SRPRB: variants seen among roughly 807,000 people sequenced by gnomAD.
SRPRB encodes the protein SRP receptor subunit beta.
A neutral mutation model predicts 31.9 loss-of-function variants in SRPRB; 20 were observed. That is an observed-to-expected ratio of 0.63 (90% CI 0.44 to 0.91). SRPRB has a LOEUF of 0.91. Ranked by LOEUF, SRPRB falls within the 40% of genes least tolerant of loss-of-function variation. The pLI, the probability that SRPRB is intolerant of heterozygous loss-of-function variation, is 0.00. For synonymous variants in SRPRB, 146 were observed against 132.8 expected, an observed-to-expected ratio of 1.10 and a Z score of -0.68; for missense variants, 321 against 324.9, an observed-to-expected ratio of 0.99 and a Z score of 0.09.
upstream of SRPRB, chr3:133,805,761 A>G: frequency 6.7e-7 from 1 of 1,487,904 alleles, no homozygotes. Flanking sequence ...CTTAGGAACC[A>G]CCATTCGCGT....
In SRPRB at chr3:133,815,735, A is replaced by T. The variant is rs1559892738; in HGVS notation, c.547+9A>T. On this transcript the variant is annotated intron_variant, in intron 5 of 6. Coordinates refer to ENST00000678299, the MANE Select transcript of SRPRB (RefSeq NM_001379313.1). ...AGCCTGCAATAAGCAAGGTGCCATC[A>T]TGTTTTCTTGCAATAATAATTGAGT... 1 of 1,610,806 alleles carries T rather than the reference A, an allele frequency of 6.2e-7. No homozygotes were observed. The highest frequency in any genetic ancestry group is 1.7e-5 in the Admixed American group (1 of 59,726).
chr3:133,797,702 T>C (rs559636288), intron 1 of SRPRB, among the ~76,000 whole-genome samples: 2 of 152,332 alleles, frequency 1.3e-5, no homozygotes, highest in Admixed American at 1.3e-4. Flanking sequence ...TTAGTTCAGA[T>C]GATCTAGCCA....
chr3:133,788,745 T>C (rs1271036311), intron 1 of SRPRB: 3 of 152,250 alleles, frequency 2.0e-5, no homozygotes, highest in Non-Finnish European at 4.4e-5. Flanking sequence ...GACTTTTTTC[T>C]ATCTTTTCTG....
chr3:133,816,764 T>A (rs1358544029), intron 5 of SRPRB, 114 bp from the exon 6 acceptor site: 10 of 760,888 alleles, frequency 1.3e-5, no homozygotes, highest in East Asian at 8.4e-5. Context: ...GGTCTTTTTT[T>A]AAAAAAAGAG....
rs1935470297 is a variant in SRPRB, at chr3:133,821,300, GA to G, written c.*1535del. 1 of 152,216 alleles carries G rather than the reference GA, an allele frequency of 6.6e-6. No homozygotes were observed. Among genetic ancestry groups the G allele is most frequent in the Admixed American group, 6.5e-5 (1 of 15,284 alleles). The allele number at this position is 152,216 out of a possible 1,614,324, so 9.4% of individuals were successfully genotyped here. ...TGAAATGGAGGAGTTGTGAGACCCTGACCCTGAGTCCTTACTTGAAAGCTGC... is the reference window on the plus strand; with the variant it reads ...TGAAATGGAGGAGTTGTGAGACCCTGCCCTGAGTCCTTACTTGAAAGCTGC... On this transcript the variant is annotated 3_prime_UTR_variant, in exon 7 of 7. Coordinates refer to ENST00000678299, the MANE Select transcript of SRPRB (RefSeq NM_001379313.1).
At chr3:133,791,856 AAG>A (rs1934847399) in intron 1 of SRPRB, 1 of 152,236 alleles carries the variant, frequency 6.6e-6, no homozygotes, top group African/African-American at 2.4e-5. Context: ...TGTACTATAA[AAG>A]AGCATTAATT....
At position 133,809,962 on chromosome 3, in the gene SRPRB, C is replaced by T. The variant is rs78460593; in HGVS notation, c.328-1155C>T. Among the ~76,000 whole-genome samples the T allele has an allele frequency of 3.0e-4, 46 of 152,018 alleles. No homozygotes were observed. The East Asian group carries it at 8.5e-3, about 28-fold the overall frequency. On this transcript the variant is annotated intron_variant, in intron 3 of 6. Transcript: ENST00000678299. ...CTATATTTCTATTCTATCAATATTT[C>T]TACTGAATATATAGAGCATTTTTCC... is the stretch of plus-strand genomic sequence containing the variant.
chr3:133,806,095 G>T, intron 1 of SRPRB, 93 bp downstream of exon 1: 1 of 1,509,294 alleles, frequency 6.6e-7, no homozygotes, highest in Non-Finnish European at 8.9e-7. Flanking sequence ...GGGGCTGAGA[G>T]GGCGCCTTGA....
At chr3:133,791,863 T>C (rs1322239973) in intron 1 of SRPRB, 1 of 152,216 alleles carries the variant, frequency 6.6e-6, no homozygotes, top group Non-Finnish European at 1.5e-5. Context: ...TAAAAGAGCA[T>C]TAATTAATTA....
In SRPRB at chr3:133,806,065, C is replaced by T. The variant is rs112115068; in HGVS notation, c.154+63C>T. ...GGCAGAGGTCCGGGCTTTGGCTGCA[C>T]CGCTGCAGGCCGGGGACGCGGGGCT... On this transcript the variant is annotated intron_variant, in intron 1 of 6. Transcript: ENST00000678299. The T allele has an allele frequency of 1.1e-4, 169 of 1,564,516 alleles. No individual in the cohort carries two copies. The African/African-American group carries it at 1.8e-3, about 17-fold the overall frequency.
chr3:133,798,422 T>C (rs548572239), intron 1 of SRPRB, among the ~76,000 whole-genome samples: 8 of 152,342 alleles, frequency 5.3e-5, no homozygotes, highest in African/African-American at 1.7e-4. Flanking sequence ...TACTAATGAA[T>C]TCTCTTAGAA....
At chr3:133,814,330 G>T (rs915373283) in intron 4 of SRPRB, among the ~76,000 whole-genome samples, 1 of 152,010 alleles carries the variant, frequency 6.6e-6, no homozygotes. Flanking sequence ...ACAGGGTTTC[G>T]CCGTGTTAGC....
At chr3:133,823,610 T>G (rs1289594178), downstream of SRPRB, among the ~76,000 whole-genome samples, 1 of 152,112 alleles carries the variant, frequency 6.6e-6, no homozygotes, top group East Asian at 1.9e-4. Context: ...AGAGTGAGAT[T>G]CCCGGGCAAG....
chr3:133,821,570 T>G (rs1935476302), downstream of SRPRB: 1 of 152,174 alleles, frequency 6.6e-6, no homozygotes, highest in African/African-American at 2.4e-5. Flanking sequence ...CCAGAAAAAG[T>G]GACTGAAGAA....
chr3:133,791,990 G>A (rs1934851112), intron 1 of SRPRB: 3 of 152,104 alleles, frequency 2.0e-5, no homozygotes, highest in African/African-American at 7.2e-5. Flanking sequence ...CAGTTTTAAA[G>A]ATTATTGGTA....
chr3:133,805,920 C>T lies in SRPRB; in HGVS notation c.72C>T (p.Asp24=). The T allele has an allele frequency of 6.2e-7, 1 of 1,614,076 alleles. No homozygotes were observed. Among genetic ancestry groups the T allele is most frequent in the South Asian group, 1.1e-5 (1 of 91,078 alleles). The change falls in exon 1 of 7, where the codon GAC becomes GAT. Residue 24 remains aspartate (D), a synonymous_variant. Coordinates refer to ENST00000678299, the MANE Select transcript of SRPRB (RefSeq NM_001379313.1). ...GGGGCACCTTCCAGCCCTACCTAGACACCTTGCGGCAGGAGCTGCAGCAGA... is the reference window on the plus strand; with the variant it reads ...GGGGCACCTTCCAGCCCTACCTAGATACCTTGCGGCAGGAGCTGCAGCAGA... ...GAGGTFQPYL[D]TLRQELQQTD...
upstream of SRPRB, among the ~76,000 whole-genome samples, chr3:133,801,004 T>TG (rs1935053140): frequency 1.3e-5 from 2 of 152,264 alleles, no homozygotes; most frequent in African/African-American, 2.4e-5. Flanking sequence ...AGGTGATTTG[T>TG]GGCTTTCATT....
upstream of SRPRB, among the ~76,000 whole-genome samples, chr3:133,802,370 C>T (rs1455655888): frequency 1.3e-5 from 2 of 152,144 alleles, no homozygotes; most frequent in African/African-American, 2.4e-5. Context: ...ATTGTCACTG[C>T]ACTCCAGCCT....
At chr3:133,819,475 T>C (rs920066713) in intron 6 of SRPRB, 78 bp from the exon 7 acceptor site, 4 of 1,376,010 alleles carry the variant, frequency 2.9e-6, no homozygotes, top group East Asian at 4.6e-5. Flanking sequence ...AAATGAGTGC[T>C]GAAATGTTTA....
Sources: gnomAD v4.1 joint callset for allele counts (sites outside exome capture counted in the v4.1 genomes callset) on GRCh38, gnomAD v4.1.1 for gene constraint, MANE v1.5 for transcripts, NCBI Gene and HGNC (gene_info 2026-07-23, HGNC 2026-07-21) for gene names.